Variants in ITPKB observed in about 807,000 individuals in gnomAD.
The protein encoded by ITPKB is inositol-trisphosphate 3-kinase B.
A neutral mutation model predicts 69.4 loss-of-function variants in ITPKB; 13 were observed. The observed-to-expected ratio is 0.19, with a 90% CI of 0.12 to 0.30. The LOEUF (loss-of-function observed/expected upper bound fraction) is 0.30, where lower values mean the gene tolerates loss of function less well. Among genes scored for constraint, ITPKB ranks in the 10% least tolerant of loss-of-function variants. The pLI is 1.00. For synonymous variants in ITPKB, 584 were observed against 513.7 expected (o/e 1.14, Z -1.85); for missense variants, 1,240 against 1,250.5 (o/e 0.99, Z 0.13).
rs200314048 is a variant in ITPKB at position 226,736,048 on chromosome 1, G to T, written c.1411C>A (p.Pro471Thr). Reference protein sequence around the residue: ...PGTGNVEAGIPSGRMLEPLPC... With the variant: ...PGTGNVEAGITSGRMLEPLPC... ...AAAGGCTCCAGCATTCTGCCAGAAGGAATTCCCGCCTCCACATTCCCGGTC... is the reference window on the plus strand; with the variant it reads ...AAAGGCTCCAGCATTCTGCCAGAAGTAATTCCCGCCTCCACATTCCCGGTC... Residue 471 changes from proline to threonine, a missense_variant, in exon 2 of 8, where the codon CCT becomes ACT. Physicochemically the swap from Pro to Thr is conservative, Grantham distance 38 (BLOSUM62 -1). Around this residue, in one of 2 missense-constraint regions of ITPKB, gnomAD observed 992 missense variants for 853.8 expected, o/e 1.16. Coordinates refer to ENST00000429204, the MANE Select transcript of ITPKB (RefSeq NM_002221.4). 1 of 1,613,452 alleles carries T rather than the reference G, an allele frequency of 6.2e-7. No individual in the cohort carries two copies. The highest frequency in any genetic ancestry group is 8.5e-7 in the Non-Finnish European group (1 of 1,179,956).
chr1:226,658,020 G>A (rs1234333201), intron 2 of ITPKB, among the ~76,000 whole-genome samples: 4 of 152,242 alleles, frequency 2.6e-5, no homozygotes, highest in African/African-American at 7.2e-5. Flanking sequence ...CTAACAAAGC[G>A]TCGAAAGTGG....
In ITPKB at chr1:226,736,782, C is replaced by G. The variant is rs1404605442; in HGVS notation, c.677G>C (p.Cys226Ser). 6.2e-7 allele frequency: 1 copy of G among 1,612,990 alleles called. No homozygotes were observed. The highest frequency in any genetic ancestry group is 1.7e-5 in the Admixed American group (1 of 60,014). The change falls in exon 2 of 8, where the codon TGC (cysteine) becomes TCC (serine). Residue 226 changes from cysteine (C) to serine (S), a missense_variant. Cys to Ser is a moderately radical substitution (Grantham distance 112). Around this residue, in one of 2 missense-constraint regions of ITPKB, gnomAD observed 992 missense variants for 853.8 expected, o/e 1.16. Transcript: ENST00000429204. ...DSGRKGGPSL[C>S]SSQVKKGMPP... ...CATTCCTTTCTTCACCTGCGAGGAG[C>G]ATAGGCTGGGCCCTCCTTTCCTCCC... is the stretch of plus-strand genomic sequence containing the variant.
chr1:226,665,624 A>G (rs1669483926), intron 2 of ITPKB, among the ~76,000 whole-genome samples: 1 of 152,006 alleles, frequency 6.6e-6, no homozygotes, highest in Non-Finnish European at 1.5e-5. Flanking sequence ...CTCGGTGGTC[A>G]CCGGCGGGGG....
chr1:226,732,022 T>C (rs1368750519), intron 2 of ITPKB, among the ~76,000 whole-genome samples: 2 of 147,904 alleles, frequency 1.4e-5, no homozygotes, highest in East Asian at 4.0e-4. Flanking sequence ...AAAACCATGT[T>C]AAACTGTTTG....
At chr1:226,690,933 G>A (rs2102780772) in intron 2 of ITPKB, among the ~76,000 whole-genome samples, 1 of 152,338 alleles carries the variant, frequency 6.6e-6, no homozygotes, top group Middle Eastern at 3.4e-3. Flanking sequence ...TGACCCTTGA[G>A]CACATTATGC....
At chr1:226,702,642 G>A (rs1201276490) in intron 2 of ITPKB, among the ~76,000 whole-genome samples, 2 of 152,176 alleles carry the variant, frequency 1.3e-5, no homozygotes, top group Non-Finnish European at 2.9e-5. Flanking sequence ...AGAAATGCAC[G>A]AAATACAACT....
chr1:226,711,274 C>T (rs1656942103), intron 2 of ITPKB, among the ~76,000 whole-genome samples: 1 of 152,174 alleles, frequency 6.6e-6, no homozygotes, highest in South Asian at 2.1e-4. Flanking sequence ...CTACCTCCTT[C>T]CTACTCCACC....
In ITPKB at chr1:226,736,813, C is replaced by T; in HGVS notation, c.646G>A (p.Asp216Asn). The stretch of plus-strand genomic sequence containing the variant: ...CTGGGCCCTCCTTTCCTCCCGGAGT[C>T]GGTTCCTGAAGTCTCTGGACATTGC... ...GEQCPETSGT[D>N]SGRKGGPSLC... Residue 216 changes from aspartate (D) to asparagine (N), a missense_variant, in exon 2 of 8, where the codon GAC (aspartate) becomes AAC (asparagine). Asp to Asn is a conservative substitution (Grantham distance 23). Transcript: ENST00000429204. 1 of 1,612,958 alleles carries T rather than the reference C, an allele frequency of 6.2e-7. No homozygotes were observed. Among genetic ancestry groups the T allele is most frequent in the Non-Finnish European group, 8.5e-7 (1 of 1,180,028 alleles).
chr1:226,684,210 T>C (rs530029214), intron 2 of ITPKB, among the ~76,000 whole-genome samples: 57 of 152,222 alleles, frequency 3.7e-4, no homozygotes, highest in African/African-American at 1.3e-3. Flanking sequence ...CCAGTCCAGG[T>C]GTTACCAGAC....
intron 2 of ITPKB, among the ~76,000 whole-genome samples, chr1:226,681,075 T>C (rs1171310527): frequency 6.6e-6 from 1 of 152,202 alleles, no homozygotes; most frequent in Non-Finnish European, 1.5e-5. Context: ...ATGCCATCCT[T>C]GATAGCCTTT....
At chr1:226,732,271 C>T (rs1657611962) in intron 2 of ITPKB, among the ~76,000 whole-genome samples, 1 of 152,194 alleles carries the variant, frequency 6.6e-6, no homozygotes, top group Non-Finnish European at 1.5e-5. Context: ...CGGAGTCTCA[C>T]TCTGTAGCCC....
At chr1:226,663,736 G>T (rs1669443327) in intron 2 of ITPKB, among the ~76,000 whole-genome samples, 1 of 152,118 alleles carries the variant, frequency 6.6e-6, no homozygotes, top group East Asian at 1.9e-4. Flanking sequence ...GCCCAGGCTG[G>T]TCTTGAAGTC....
intron 2 of ITPKB, among the ~76,000 whole-genome samples, chr1:226,685,336 G>A (rs1656182530): frequency 6.6e-6 from 1 of 152,044 alleles, no homozygotes; most frequent in Admixed American, 6.5e-5. Flanking sequence ...CCCCACCCCT[G>A]CCCCTAAGTC....
intron 2 of ITPKB, 71 bp downstream of exon 2, chr1:226,735,456 G>A: frequency 7.0e-7 from 1 of 1,419,888 alleles, no homozygotes; most frequent in Non-Finnish European, 9.3e-7. Flanking sequence ...TTAAGAAAAA[G>A]GGATGCATAG....
chr1:226,683,487 T>G (rs921520095), intron 2 of ITPKB, among the ~76,000 whole-genome samples: 1 of 152,132 alleles, frequency 6.6e-6, no homozygotes, highest in African/African-American at 2.4e-5. Context: ...AGAAACAGGA[T>G]TTGAACCCAT....
intron 7 of ITPKB, among the ~76,000 whole-genome samples, chr1:226,635,483 C>G (rs115981659): frequency 6.6e-6 from 1 of 152,142 alleles, no homozygotes; most frequent in African/African-American, 2.4e-5. Context: ...GCCTTGGCCT[C>G]GGAAAGTGCT....
intron 2 of ITPKB, among the ~76,000 whole-genome samples, chr1:226,690,923 T>C (rs1381835504): frequency 6.6e-6 from 1 of 152,200 alleles, no homozygotes; most frequent in Non-Finnish European, 1.5e-5. Flanking sequence ...ACAACAGGGA[T>C]GACCCTTGAG....
Position 226,637,859 on chromosome 1 carries a change from A to G in ITPKB, c.2554-109T>C, listed in dbSNP as rs1668873716. The G allele has an allele frequency of 1.3e-6, 1 of 780,474 alleles. No individual in the cohort carries two copies. Among genetic ancestry groups the G allele is most frequent in the Admixed American group, 2.1e-5 (1 of 46,936 alleles). 48.3% of individuals were successfully genotyped at this position (780,474 alleles called of 1,614,324 possible). On this transcript the variant is annotated intron_variant, in intron 6 of 7. Transcript: ENST00000429204. The surrounding 1 kb of genome is among the most constrained non-coding windows in gnomAD (Gnocchi z 4.3). ...CTCCCGTGAATGTGCTTTACCCTAA[A>G]CGCCGGACATCTAGAGGCAGCTTCC...
intron 2 of ITPKB, among the ~76,000 whole-genome samples, chr1:226,662,254 C>A (rs570896277): frequency 1.3e-5 from 2 of 152,222 alleles, no homozygotes; most frequent in Non-Finnish European, 2.9e-5. Flanking sequence ...TCATCCCATG[C>A]TGGAGGATGA....
Sources: allele counts gnomAD v4.1 joint callset (sites outside exome capture counted in the v4.1 genomes callset), GRCh38; gene constraint gnomAD v4.1.1; regional missense constraint gnomAD v4.1.1; non-coding constraint Gnocchi (gnomAD v3.1); transcripts MANE v1.5; gene names NCBI Gene and HGNC (gene_info 2026-07-23, HGNC 2026-07-21).